CCDC141: variants seen among roughly 807,000 people sequenced by gnomAD.
The protein encoded by CCDC141 is coiled-coil domain containing 141.
In CCDC141, 168 loss-of-function variants were observed where a neutral mutation model predicts 181.0. The observed-to-expected ratio is 0.93, with a 90% confidence interval of 0.82 to 1.05. The LOEUF (loss-of-function observed/expected upper bound fraction) is 1.05. CCDC141 is among the 50% of genes least tolerant of loss of function. CCDC141 has a pLI of 0.00. For synonymous variants in CCDC141, 666 were observed against 642.3 expected (o/e 1.04, Z -0.56); for missense variants, 1,902 against 1,788.5 (o/e 1.06, Z -1.14).
At chr2:178,879,083 A>G (rs1388852292) in intron 11 of CCDC141, among the ~76,000 whole-genome samples, 1 of 152,230 alleles carries the variant, frequency 6.6e-6, no homozygotes, top group Non-Finnish European at 1.5e-5. Context: ...ATATTTTCTC[A>G]TTTGCTAACC....
intron 2 of CCDC141, among the ~76,000 whole-genome samples, chr2:178,988,014 G>GCA (rs959796429): frequency 9.2e-5 from 14 of 151,644 alleles, no homozygotes; most frequent in Non-Finnish European, 1.8e-4. Context: ...AAAGACACAT[G>GCA]CACACGTATG....
At chr2:178,899,759 G>T (rs1191523647) in intron 8 of CCDC141, among the ~76,000 whole-genome samples, 2 of 152,126 alleles carry the variant, frequency 1.3e-5, no homozygotes, top group Non-Finnish European at 2.9e-5. Context: ...AATTTACATT[G>T]ATTTCCATTG....
rs755075809 is a variant in CCDC141, at chr2:178,907,300, AT to A, written c.1093-1800del. 2.6e-5 allele frequency among the ~76,000 whole-genome samples: 4 copies of A among 152,184 alleles called. No homozygotes were observed. In the East Asian group the frequency reaches 7.7e-4, roughly 29 times the overall value. On this transcript the variant is annotated intron_variant, in intron 7 of 23. Coordinates refer to ENST00000443758, the MANE Select transcript of CCDC141 (RefSeq NM_173648.4). ...ACTGAGTCTCAGAGAGGTTAAATAAATTGCAGAAAGTGACACTTCTACCAAG... is the reference window on the plus strand; with the variant it reads ...ACTGAGTCTCAGAGAGGTTAAATAAATGCAGAAAGTGACACTTCTACCAAG...
chr2:178,845,738 C>T lies in CCDC141; in HGVS notation c.3362G>A (p.Gly1121Glu), dbSNP rs1684910467. Residue 1121 changes from glycine (G) to glutamate (E), a missense_variant, in exon 22 of 24, where the codon GGA (glycine) becomes GAA (glutamate). By Grantham distance (98) the Gly-to-Glu change is moderately conservative. Transcript: ENST00000443758. ...LTELEEKLKQ[G>E]DVLKMNPNLE... ...ATTCGGATTCATCTTTAAAACATCT[C>T]CCTGCTGTACAAAGCAACAGTTAGT... 1 of 1,584,254 alleles carries T rather than the reference C, an allele frequency of 6.3e-7. No homozygotes were observed. Among genetic ancestry groups the T allele is most frequent in the Non-Finnish European group, 8.7e-7 (1 of 1,153,044 alleles).
intron 8 of CCDC141, among the ~76,000 whole-genome samples, chr2:178,905,010 G>T (rs1386332508): frequency 2.0e-5 from 3 of 152,214 alleles, no homozygotes; most frequent in Non-Finnish European, 4.4e-5. Context: ...ATTCCATAAA[G>T]ATGCTAGGGT....
rs3045637 is a variant in CCDC141 at position 178,885,244 on chromosome 2, T to TAA, written c.1528-154_1528-153dup. Among the ~76,000 whole-genome samples, 17,983 of 137,006 alleles carry TAA rather than the reference T, an allele frequency of 0.13. 2,146 individuals are homozygous for TAA. The highest frequency in any genetic ancestry group is 0.65 in the East Asian group (3,223 of 4,930). The allele number at this position is 137,006 out of a possible 152,430, so 89.9% of individuals were successfully genotyped here. On this transcript the variant is annotated intron_variant, in intron 10 of 23. Transcript: ENST00000443758. The stretch of plus-strand genomic sequence containing the variant: ...AAGAAAGACACAACTTCCAAAATTC[T>TAA]AAAAAAAAAAAAAAGGGCACTTTAG...
chr2:178,840,055 G>T (rs1684659259), intron 22 of CCDC141, among the ~76,000 whole-genome samples: 2 of 152,188 alleles, frequency 1.3e-5, no homozygotes, highest in Non-Finnish European at 2.9e-5. Flanking sequence ...CTGCCTTCCT[G>T]CAGTTTCCAC....
Position 178,837,587 on chromosome 2 carries a change from G to C in CCDC141, c.3632C>G (p.Pro1211Arg). ...LSGEEYECVS[P>R]DDISLPPLPG... ...GAGAGGAGGCAAGGAGATGTCATCA[G>C]GTGAGACACACTCATATTCTTCCCC... Residue 1211 changes from proline (P) to arginine (R), a missense_variant, in exon 23 of 24, where the codon CCT (proline) becomes CGT (arginine). Coordinates refer to ENST00000443758, the MANE Select transcript of CCDC141 (RefSeq NM_173648.4). The C allele has an allele frequency of 1.2e-6, 2 of 1,613,968 alleles. No individual in the cohort carries two copies. The highest frequency in any genetic ancestry group is 1.7e-6 in the Non-Finnish European group (2 of 1,179,946).
intron 2 of CCDC141, among the ~76,000 whole-genome samples, chr2:179,006,122 G>A (rs115070132): frequency 0.011 from 1,619 of 152,270 alleles, 31 homozygotes; most frequent in African/African-American, 0.036. Context: ...CTGAAACAAT[G>A]GCCCATGACT....
At chr2:178,986,010 A>G (rs984098310) in intron 2 of CCDC141, among the ~76,000 whole-genome samples, 3 of 152,282 alleles carry the variant, frequency 2.0e-5, no homozygotes, top group African/African-American at 7.2e-5. Flanking sequence ...CAGAGACACA[A>G]CCAAAAAAGA....
chr2:178,875,831 C>G (rs1686334951), intron 12 of CCDC141: 1 of 152,076 alleles, frequency 6.6e-6, no homozygotes, highest in African/African-American at 2.4e-5. Flanking sequence ...TTTGAATTCC[C>G]TTAGGTAAAT....
At position 178,830,889 on chromosome 2, in the gene CCDC141, T is replaced by A. The variant is rs1319939885; in HGVS notation, c.*3284A>T. On this transcript the variant is annotated 3_prime_UTR_variant, in exon 24 of 24. Coordinates refer to ENST00000443758, the MANE Select transcript of CCDC141 (RefSeq NM_173648.4). ...GAAAGGGCTGGAGAGAAGAGCATGA[T>A]ATGTTAAAACCCTGAAGTTAAATGT... The A allele has an allele frequency of 6.6e-6, 1 of 152,178 alleles. No individual in the cohort carries two copies. Among genetic ancestry groups the A allele is most frequent in the East Asian group, 1.9e-4 (1 of 5,192 alleles). 9.4% of individuals were successfully genotyped at this position (152,178 alleles called of 1,614,324 possible).
At chr2:178,887,569 T>C (rs1686945984) in intron 9 of CCDC141, among the ~76,000 whole-genome samples, 1 of 152,192 alleles carries the variant, frequency 6.6e-6, no homozygotes, top group African/African-American at 2.4e-5. Context: ...ACTGTTCCAC[T>C]GCCACCAAAT....
At chr2:178,915,030 A>C (rs1274281165) in intron 7 of CCDC141, among the ~76,000 whole-genome samples, 2 of 152,000 alleles carry the variant, frequency 1.3e-5, no homozygotes, top group Non-Finnish European at 2.9e-5. Flanking sequence ...AAAAAATACA[A>C]AAAATTAGCC....
intron 8 of CCDC141, among the ~76,000 whole-genome samples, chr2:178,902,038 C>T (rs1333251681): frequency 2.0e-5 from 3 of 152,102 alleles, no homozygotes; most frequent in African/African-American, 7.2e-5. Context: ...CCTAGGAATC[C>T]AACTTACGAG....
rs577832129 is a variant in CCDC141 at position 178,995,545 on chromosome 2, C to T, written c.226-16870G>A. Among the ~76,000 whole-genome samples, 5 of 152,208 alleles carry T rather than the reference C, an allele frequency of 3.3e-5. No individual in the cohort carries two copies. The South Asian group carries it at 6.3e-4, about 19-fold the overall frequency. Reference sequence around the variant, plus strand: ...ACACATGTAAAGTCCTTTATTGGCACATTATGTCACCAAGGTTCTCTTATA... The same window carrying T: ...ACACATGTAAAGTCCTTTATTGGCATATTATGTCACCAAGGTTCTCTTATA... On this transcript the variant is annotated intron_variant, in intron 2 of 23. Transcript: ENST00000443758.
intron 2 of CCDC141, among the ~76,000 whole-genome samples, chr2:178,983,957 A>G (rs1339789688): frequency 6.7e-6 from 1 of 150,160 alleles, no homozygotes; most frequent in East Asian, 2.0e-4. Flanking sequence ...TTCAGGAAAT[A>G]CAGAGAATGC....
At chr2:178,824,947 A>G (rs537912237), downstream of CCDC141, among the ~76,000 whole-genome samples, 3 of 152,286 alleles carry the variant, frequency 2.0e-5, no homozygotes, top group South Asian at 6.2e-4. Context: ...CTTTTGTGGT[A>G]CATCAGTTAG....
In CCDC141 at chr2:178,978,625, A is replaced by G. The variant is rs1202409940; in HGVS notation, c.276T>C (p.Ala92=). The part of the protein sequence containing the change: ...WELLQEADKT[A]EENKDQSQVY... ...CCTGACTCTGATCCTTGTTCTCTTC[A>G]GCTGTCTTGTCTGCTTCCTGCAAGA... The change falls in exon 3 of 24, where the codon GCT becomes GCC. Residue 92 remains alanine, a synonymous_variant. Coordinates refer to ENST00000443758, the MANE Select transcript of CCDC141 (RefSeq NM_173648.4). 1 of 1,548,552 alleles carries G rather than the reference A, an allele frequency of 6.5e-7. No individual in the cohort carries two copies. Among genetic ancestry groups the G allele is most frequent in the Non-Finnish European group, 8.7e-7 (1 of 1,146,072 alleles).
Sources: allele counts gnomAD v4.1 joint callset (sites outside exome capture counted in the v4.1 genomes callset), GRCh38; gene constraint gnomAD v4.1.1; transcripts MANE v1.5; gene names NCBI Gene and HGNC (gene_info 2026-07-23, HGNC 2026-07-21).